The following KLF2 variants were observed in gnomAD, a reference collection of about 807,000 sequenced individuals.
KLF2 encodes Krueppel-like factor 2.
KLF2 carries 9 observed loss-of-function variants against 22.2 expected under a neutral mutation model. The ratio of observed to expected loss-of-function variants is 0.40; its 90% confidence interval spans 0.24 to 0.71. KLF2 has a LOEUF of 0.71. Ranked by LOEUF, KLF2 falls within the 30% of genes least tolerant of loss-of-function variation. The pLI, the probability that KLF2 is intolerant of heterozygous loss-of-function variation, is 0.35. For missense variants in KLF2, 481 were observed against 542.1 expected, an observed-to-expected ratio of 0.89 and a Z score of 1.12; for synonymous variants, 299 against 264.2, an observed-to-expected ratio of 1.13 and a Z score of -1.28.
rs2091895593 is a variant in KLF2, at chr19:16,328,109, A to G, written c.*1078A>G. On this transcript the variant is annotated 3_prime_UTR_variant, in exon 3 of 3. Coordinates refer to ENST00000248071, the MANE Select transcript of KLF2 (RefSeq NM_016270.4). ...CAGATGAGGAAACGGAGGCCCGGAG[A>G]GGTAGCGGCAGGGTGGTGGAGTTGG... Among the ~76,000 whole-genome samples, 1 of 152,070 alleles carries G rather than the reference A, an allele frequency of 6.6e-6. No individual in the cohort carries two copies. Among genetic ancestry groups the G allele is most frequent in the African/African-American group, 2.4e-5 (1 of 41,402 alleles).
At position 16,325,478 on chromosome 19, in the gene KLF2, T is replaced by A. The variant is rs1406990859; in HGVS notation, c.338T>A (p.Leu113Gln). 7.3e-7 allele frequency: 1 copy of A among 1,366,064 alleles called. No homozygotes were observed. Among genetic ancestry groups the A allele is most frequent in the Non-Finnish European group, 9.4e-7 (1 of 1,063,972 alleles). 84.6% of individuals were successfully genotyped at this position (1,366,064 alleles called of 1,614,324 possible). A position where few individuals can be genotyped will look rare whatever the true frequency, so the allele number is the denominator to read the frequency against. Residue 113 changes from leucine to glutamine, a missense_variant, in exon 2 of 3, where the codon CTG becomes CAG. Leu to Gln is a moderately radical substitution (Grantham distance 113, BLOSUM62 -2). This residue lies in a region of KLF2 where 421 missense variants were observed against 435.1 expected (regional missense o/e 0.97). Transcript: ENST00000248071. ...GGGCCCGCACTGCACGGCCGCTTTC[T>A]GCTGGCGCCGCCCGGCCGCCTGGTC... ...PLGPALHGRF[L>Q]LAPPGRLVKA...
In KLF2 at chr19:16,326,017, C is replaced by T. The variant is rs1335883785; in HGVS notation, c.877C>T (p.Leu293=). 1 of 1,551,100 alleles carries T rather than the reference C, an allele frequency of 6.4e-7. No individual in the cohort carries two copies. Among genetic ancestry groups the T allele is most frequent in the Non-Finnish European group, 8.7e-7 (1 of 1,149,042 alleles). The stretch of plus-strand genomic sequence containing the variant: ...CAAGAGTTCGCATCTGAAGGCGCAT[C>T]TGCGCACGCACACAGGTGGGCGGCA... ...YTKSSHLKAH[L]RTHTGEKPYH... The change falls in exon 2 of 3, where the codon CTG becomes TTG. Residue 293 remains leucine, a synonymous_variant. Transcript: ENST00000248071.
At position 16,325,012 on chromosome 19, in the gene KLF2, G is replaced by A. The variant is rs776594482; in HGVS notation, c.75+14G>A. On this transcript the variant is annotated intron_variant, in intron 1 of 2. Coordinates refer to ENST00000248071, the MANE Select transcript of KLF2 (RefSeq NM_016270.4). ...GGCCTGCAGGAGGTGAGGGCGGCGG[G>A]GACGGCGGGGCGGCCGGGACCGTGG... is the stretch of plus-strand genomic sequence containing the variant. 25 of 1,568,198 alleles carry A rather than the reference G, an allele frequency of 1.6e-5. No homozygotes were observed. The highest frequency in any genetic ancestry group is 2.1e-5 in the Non-Finnish European group (24 of 1,158,550).
Position 16,325,629 on chromosome 19 carries a change from C to CG in KLF2, c.494dup (p.Arg166ProfsTer134). The CG allele has an allele frequency of 9.2e-7, 1 of 1,091,230 alleles. No homozygotes were observed. Among genetic ancestry groups the CG allele is most frequent in the South Asian group, 4.2e-5 (1 of 23,714 alleles). The allele number at this position is 1,091,230 out of a possible 1,614,324, so 67.6% of individuals were successfully genotyped here. A position where few individuals can be genotyped will look rare whatever the true frequency, so the allele number is the denominator to read the frequency against. On this transcript the variant is annotated frameshift_variant, in exon 2 of 3. Coordinates refer to ENST00000248071, the MANE Select transcript of KLF2 (RefSeq NM_016270.4). LOFTEE classifies it high-confidence loss of function. ...CGGCGGCTTCGTGCATGCGAGGTCC[C>CG]GGGGGCCGCCCCCCGCCGCCGCCCG...
chr19:16,326,790 CG>C, intron 2 of KLF2, 65 bp from the exon 3 acceptor site: 1 of 1,520,168 alleles, frequency 6.6e-7, no homozygotes, highest in Non-Finnish European at 8.9e-7. Context: ...TTGCGCTCGC[CG>C]GGGTAGCCAT....
At position 16,325,016 on chromosome 19, in the gene KLF2, G is replaced by T. The variant is rs1269024747; in HGVS notation, c.75+18G>T. On this transcript the variant is annotated intron_variant, in intron 1 of 2. Coordinates refer to ENST00000248071, the MANE Select transcript of KLF2 (RefSeq NM_016270.4). ...TGCAGGAGGTGAGGGCGGCGGGGAC[G>T]GCGGGGCGGCCGGGACCGTGGGCGG... 2 of 1,561,508 alleles carry T rather than the reference G, an allele frequency of 1.3e-6. No individual in the cohort carries two copies.
chr19:16,325,578 C>T lies in KLF2; in HGVS notation c.438C>T (p.Gly146=). 1.7e-6 allele frequency: 2 copies of T among 1,160,966 alleles called. No individual in the cohort carries two copies. Among genetic ancestry groups the T allele is most frequent in the Non-Finnish European group, 2.1e-6 (2 of 943,588 alleles). 71.9% of individuals were successfully genotyped at this position (1,160,966 alleles called of 1,614,324 possible). Residue 146 remains glycine, a synonymous_variant, in exon 2 of 3, where the codon GGC becomes GGT. Transcript: ENST00000248071. Reference sequence around the variant, plus strand: ...CCGGGCTGACCCGTGGACCGCGCGGCCTCAAGCGCGAGGGCGCCCCGGGCC... The same window carrying T: ...CCGGGCTGACCCGTGGACCGCGCGGTCTCAAGCGCGAGGGCGCCCCGGGCC... The part of the protein sequence containing the change: ...CAPGLTRGPR[G]LKREGAPGPA...
At position 16,328,642 on chromosome 19, in the gene KLF2, A is replaced by G. The variant is rs1393987793; in HGVS notation, c.*1611A>G. Among the ~76,000 whole-genome samples the G allele has an allele frequency of 6.6e-6, 1 of 152,118 alleles. No homozygotes were observed. The highest frequency in any genetic ancestry group is 1.5e-5 in the Non-Finnish European group (1 of 68,022). On this transcript the variant is annotated 3_prime_UTR_variant, in exon 3 of 3. Coordinates refer to ENST00000248071, the MANE Select transcript of KLF2 (RefSeq NM_016270.4). ...ACGAAAAGCAGAAATACGATTTGACAATCTGATTCATTTTCCGAGAGTAAA... is the reference window on the plus strand; with the variant it reads ...ACGAAAAGCAGAAATACGATTTGACGATCTGATTCATTTTCCGAGAGTAAA...
chr19:16,327,561 A>C lies in KLF2; in HGVS notation c.*530A>C, dbSNP rs1318265228. On this transcript the variant is annotated 3_prime_UTR_variant, in exon 3 of 3. Transcript: ENST00000248071. Reference sequence around the variant, plus strand: ...CACAGCACTGGTCTGGTTGCTTGGAACTGGGGCCTTGGGGCACTTGGGAGG... The same window carrying C: ...CACAGCACTGGTCTGGTTGCTTGGACCTGGGGCCTTGGGGCACTTGGGAGG... The C allele has an allele frequency of 6.6e-6, 1 of 151,582 alleles. No individual in the cohort carries two copies. The highest frequency in any genetic ancestry group is 2.0e-4 in the South Asian group (1 of 4,922). The allele number at this position is 151,582 out of a possible 1,614,324, so 9.4% of individuals were successfully genotyped here.
Position 16,325,311 on chromosome 19 carries a change from C to T in KLF2, c.171C>T (p.Gly57=), listed in dbSNP as rs767693885. 12 of 1,492,194 alleles carry T rather than the reference C, an allele frequency of 8.0e-6. No individual in the cohort carries two copies. Among genetic ancestry groups the T allele is most frequent in the Middle Eastern group, 1.9e-4 (1 of 5,288 alleles). 92.4% of individuals were successfully genotyped at this position (1,492,194 alleles called of 1,614,324 possible). The change falls in exon 2 of 3, where the codon GGC becomes GGT. Residue 57 remains glycine, a synonymous_variant. Coordinates refer to ENST00000248071, the MANE Select transcript of KLF2 (RefSeq NM_016270.4). ...TGTCCATGGGGCTGGATGGCCTGGG[C>T]GCCGAGGCCGCCCCGGAGCCGCCGC... ...FILSMGLDGL[G]AEAAPEPPPP...
chr19:16,328,633 C>T lies in KLF2; in HGVS notation c.*1602C>T, dbSNP rs1253936166. Among the ~76,000 whole-genome samples the T allele has an allele frequency of 6.6e-6, 1 of 152,180 alleles. No homozygotes were observed. Among genetic ancestry groups the T allele is most frequent in the Non-Finnish European group, 1.5e-5 (1 of 68,036 alleles). On this transcript the variant is annotated 3_prime_UTR_variant, in exon 3 of 3. Transcript: ENST00000248071. ...TGGTAATCCACGAAAAGCAGAAATACGATTTGACAATCTGATTCATTTTCC... is the reference window on the plus strand; with the variant it reads ...TGGTAATCCACGAAAAGCAGAAATATGATTTGACAATCTGATTCATTTTCC...
In KLF2 at chr19:16,325,208, G is replaced by T. The variant is rs2091884474; in HGVS notation, c.76-8G>T. 3.3e-6 allele frequency: 5 copies of T among 1,508,986 alleles called. No individual in the cohort carries two copies. Among genetic ancestry groups the T allele is most frequent in the Non-Finnish European group, 4.4e-6 (5 of 1,134,018 alleles). The allele number at this position is 1,508,986 out of a possible 1,614,324, so 93.5% of individuals were successfully genotyped here. A position where few individuals can be genotyped will look rare whatever the true frequency, so the allele number is the denominator to read the frequency against. On this transcript the variant is annotated splice_region_variant and splice_polypyrimidine_tract_variant and intron_variant, in intron 1 of 2. Coordinates refer to ENST00000248071, the MANE Select transcript of KLF2 (RefSeq NM_016270.4). The stretch of plus-strand genomic sequence containing the variant: ...GCCCGCTCACGCCCATTGCCCTGTC[G>T]CCCGCAGCGCTGGCCGCGCGCCGAA...
intron 2 of KLF2, 143 bp from the exon 3 acceptor site, chr19:16,326,713 G>C: frequency 1.2e-6 from 1 of 802,890 alleles, no homozygotes; most frequent in Non-Finnish European, 1.9e-6. Flanking sequence ...TGGGGATGTA[G>C]GGCAAGGATC....
At position 16,326,771 on chromosome 19, in the gene KLF2, A is replaced by G. The variant is rs2091891431; in HGVS notation, c.893-85A>G. 5.9e-6 allele frequency: 8 copies of G among 1,365,950 alleles called. No individual in the cohort carries two copies. In the South Asian group the frequency reaches 1.0e-4, roughly 17 times the overall value. The allele number at this position is 1,365,950 out of a possible 1,614,324, so 84.6% of individuals were successfully genotyped here. A position where few individuals can be genotyped will look rare whatever the true frequency, so the allele number is the denominator to read the frequency against. ...CGGGGAGCGCGTCAAGGCCCTGGTT[A>G]GGGATAGGTTGCGCTCGCCGGGGTA... On this transcript the variant is annotated intron_variant, in intron 2 of 2. Transcript: ENST00000248071.
chr19:16,325,783 G>T lies in KLF2; in HGVS notation c.643G>T (p.Ala215Ser). The change falls in exon 2 of 3, where the codon GCG (alanine) becomes TCG (serine). Residue 215 changes from alanine to serine, a missense_variant. Physicochemically the swap from Ala to Ser is moderately conservative, Grantham distance 99. Coordinates refer to ENST00000248071, the MANE Select transcript of KLF2 (RefSeq NM_016270.4). ...PGPGLHYAPP[A>S]PPAFGLFDDA... ...GCCCGGCCTGCATTACGCGCCGCCTGCGCCCCCAGCCTTCGGTCTCTTCGA... is the reference window on the plus strand; with the variant it reads ...GCCCGGCCTGCATTACGCGCCGCCTTCGCCCCCAGCCTTCGGTCTCTTCGA... 1 of 1,299,218 alleles carries T rather than the reference G, an allele frequency of 7.7e-7. No homozygotes were observed. Among genetic ancestry groups the T allele is most frequent in the South Asian group, 2.3e-5 (1 of 44,232 alleles). 80.5% of individuals were successfully genotyped at this position (1,299,218 alleles called of 1,614,324 possible). A position where few individuals can be genotyped will look rare whatever the true frequency, so the allele number is the denominator to read the frequency against.
chr19:16,326,536 T>C lies in KLF2; in HGVS notation c.893-320T>C, dbSNP rs1161290653. Among the ~76,000 whole-genome samples, 3 of 151,806 alleles carry C rather than the reference T, an allele frequency of 2.0e-5. No homozygotes were observed. In the East Asian group the frequency reaches 5.8e-4, roughly 30 times the overall value. Reference sequence around the variant, plus strand: ...CCTCTGGGGACAAGGCTCAGGACCTTGGGGAGGGAGTGTTCGCTGGGAAAC... The same window carrying C: ...CCTCTGGGGACAAGGCTCAGGACCTCGGGGAGGGAGTGTTCGCTGGGAAAC... On this transcript the variant is annotated intron_variant, in intron 2 of 2. Transcript: ENST00000248071.
rs2091885055 is a variant in KLF2, at chr19:16,325,329, G to T, written c.189G>T (p.Glu63Asp). 6.8e-7 allele frequency: 1 copy of T among 1,463,062 alleles called. No individual in the cohort carries two copies. Among genetic ancestry groups the T allele is most frequent in the Admixed American group, 2.6e-5 (1 of 37,976 alleles). 90.6% of individuals were successfully genotyped at this position (1,463,062 alleles called of 1,614,324 possible). ...GCCTGGGCGCCGAGGCCGCCCCGGA[G>T]CCGCCGCCGCCGCCCCCGCCGCCTG... ...LDGLGAEAAP[E>D]PPPPPPPPAF... Residue 63 changes from glutamate to aspartate, a missense_variant, in exon 2 of 3, where the codon GAG becomes GAT. Glu to Asp is a conservative substitution (Grantham distance 45). Transcript: ENST00000248071.
In KLF2 at chr19:16,327,095, T is replaced by A. The variant is rs950116716; in HGVS notation, c.*64T>A. 77 of 1,413,520 alleles carry A rather than the reference T, an allele frequency of 5.4e-5. No individual in the cohort carries two copies. The African/African-American group carries it at 6.7e-4, about 12-fold the overall frequency. The allele number at this position is 1,413,520 out of a possible 1,614,324, so 87.6% of individuals were successfully genotyped here. On this transcript the variant is annotated 3_prime_UTR_variant, in exon 3 of 3. Transcript: ENST00000248071. ...GTCCCACGCGCCGGGCGCGGCCCCC[T>A]CCCAAACTGTGACTGGTATTTATTG...
In KLF2 at chr19:16,325,086, GA is replaced by G. The variant is rs1248742257; in HGVS notation, c.75+90del. 7 of 1,364,882 alleles carry G rather than the reference GA, an allele frequency of 5.1e-6. No homozygotes were observed. In the African/African-American group the frequency reaches 1.0e-4, roughly 20 times the overall value. The allele number at this position is 1,364,882 out of a possible 1,614,324, so 84.5% of individuals were successfully genotyped here. ...CGTGGGCTGCGGGGTGACAGGACGC[GA>G]AGGCGGGGACTGCAGACTCAGGAGA... On this transcript the variant is annotated intron_variant, in intron 1 of 2. Transcript: ENST00000248071.
Sources: allele counts gnomAD v4.1 joint callset (sites outside exome capture counted in the v4.1 genomes callset), GRCh38; gene constraint gnomAD v4.1.1; regional missense constraint gnomAD v4.1.1; transcripts MANE v1.5; gene names NCBI Gene and HGNC (gene_info 2026-07-23, HGNC 2026-07-21).